The following EXOC4 variants were observed in gnomAD, a reference collection of about 807,000 sequenced individuals.
EXOC4 encodes the protein SEC8-like 1.
A neutral mutation model predicts 107.2 loss-of-function variants in EXOC4; 71 were observed. That is an observed-to-expected ratio of 0.66 (90% CI 0.55 to 0.81). EXOC4 has a LOEUF of 0.81. Ranked by LOEUF, EXOC4 falls within the 30% of genes least tolerant of loss-of-function variation. The pLI is 0.00. For missense variants in EXOC4, 1,108 were observed against 1,189.6 expected, an observed-to-expected ratio of 0.93 and a Z score of 1.01; for synonymous variants, 456 against 441.2, an observed-to-expected ratio of 1.03 and a Z score of -0.42.
intron 17 of EXOC4, among the ~76,000 whole-genome samples, chr7:134,056,655 C>G (rs2116607967): frequency 6.6e-6 from 1 of 152,282 alleles, no homozygotes; most frequent in South Asian, 2.1e-4. Context: ...TTCCTCCAGC[C>G]CTTTTGTAGA....
intron 9 of EXOC4, among the ~76,000 whole-genome samples, chr7:133,614,573 C>T (rs1267927553): frequency 2.0e-5 from 3 of 151,784 alleles, no homozygotes; most frequent in East Asian, 1.9e-4. Flanking sequence ...TGAAAAGGAT[C>T]GTCAGCATTA....
intron 11 of EXOC4, among the ~76,000 whole-genome samples, chr7:133,859,888 G>A (rs909318880): frequency 1.9e-4 from 29 of 152,114 alleles, no homozygotes; most frequent in African/African-American, 6.5e-4. Context: ...CTATTGTTTG[G>A]TATGCCCAAG....
At position 133,676,927 on chromosome 7, in the gene EXOC4, C is replaced by CTGTGTGTG. The variant is rs559035446; in HGVS notation, c.1514+46808_1514+46815dup. 7.5e-3 allele frequency among the ~76,000 whole-genome samples: 939 copies of CTGTGTGTG among 124,614 alleles called. 16 individuals are homozygous for CTGTGTGTG. Among genetic ancestry groups the CTGTGTGTG allele is most frequent in the African/African-American group, 0.021 (702 of 34,140 alleles). The allele number at this position is 124,614 out of a possible 152,430, so 81.8% of individuals were successfully genotyped here. A position where few individuals can be genotyped will look rare whatever the true frequency, so the allele number is the denominator to read the frequency against. ...ATTATTGGGGGGTATGTAGTAAACT[C>CTGTGTGTG]TGTGTGTGTGTGTGTGTGTGTGTGT... On this transcript the variant is annotated intron_variant, in intron 10 of 17. Coordinates refer to ENST00000253861, the MANE Select transcript of EXOC4 (RefSeq NM_021807.4).
At position 133,857,147 on chromosome 7, in the gene EXOC4, CGTATAT is replaced by C. The variant is rs1296757758; in HGVS notation, c.1735-38451_1735-38446del. Among the ~76,000 whole-genome samples the C allele has an allele frequency of 8.4e-4, 16 of 19,088 alleles. 1 individual carries two copies. The highest frequency in any genetic ancestry group is 1.9e-3 in the Admixed American group (2 of 1,030). 12.5% of individuals were successfully genotyped at this position (19,088 alleles called of 152,430 possible). ...ATATGTATATATATATACACATACA[CGTATAT>C]ATATATATATATATATATATATATA... On this transcript the variant is annotated intron_variant, in intron 11 of 17. Transcript: ENST00000253861.
the EXOC4 span, among the ~76,000 whole-genome samples, chr7:134,085,897 G>A: frequency 6.6e-6 from 1 of 152,146 alleles, no homozygotes; most frequent in Non-Finnish European, 1.5e-5. Flanking sequence ...ATATCACAAG[G>A]GATCTGGAAG....
At chr7:133,660,837 C>T (rs1379500678) in intron 10 of EXOC4, among the ~76,000 whole-genome samples, 1 of 152,158 alleles carries the variant, frequency 6.6e-6, no homozygotes, top group African/African-American at 2.4e-5. Flanking sequence ...GAAGTCCACA[C>T]ACTGCCTGGA....
chr7:133,324,599 T>A (rs1407675058), intron 5 of EXOC4, among the ~76,000 whole-genome samples: 1 of 152,214 alleles, frequency 6.6e-6, no homozygotes, highest in Non-Finnish European at 1.5e-5. Flanking sequence ...TTCTGTTCTT[T>A]TACAATTGCT....
At chr7:133,759,860 A>G (rs534404059) in intron 10 of EXOC4, among the ~76,000 whole-genome samples, 1 of 152,310 alleles carries the variant, frequency 6.6e-6, no homozygotes, top group African/African-American at 2.4e-5. Context: ...ATGGGAAGGC[A>G]TTGGCCTACT....
the EXOC4 span, among the ~76,000 whole-genome samples, chr7:134,083,236 C>G: frequency 6.6e-6 from 1 of 152,116 alleles, no homozygotes; most frequent in African/African-American, 2.4e-5. Context: ...GGAGCCCCAT[C>G]AAGTGATGCA....
chr7:133,656,263 A>T lies in EXOC4; in HGVS notation c.1514+26122A>T, dbSNP rs1005883204. On this transcript the variant is annotated intron_variant, in intron 10 of 17. Transcript: ENST00000253861. ...CAAAGATATCAGTTGGCAAGGGGGA[A>T]TTCATAAAACACATAGAATATACTG... 2.0e-4 allele frequency among the ~76,000 whole-genome samples: 31 copies of T among 152,280 alleles called. 1 individual carries two copies. In the Middle Eastern group the frequency reaches 0.01, roughly 50 times the overall value.
At chr7:133,290,978 A>G (rs1202516242) in intron 3 of EXOC4, 1 of 151,986 alleles carries the variant, frequency 6.6e-6, no homozygotes, top group Non-Finnish European at 1.5e-5. Context: ...TATTGAGGGA[A>G]AACAGGGGGC....
intron 14 of EXOC4, among the ~76,000 whole-genome samples, chr7:133,958,756 A>G (rs1454659953): frequency 2.6e-5 from 4 of 152,240 alleles, no homozygotes; most frequent in African/African-American, 9.6e-5. Flanking sequence ...CTTACTTCAT[A>G]TACCTGTGCC....
chr7:133,709,563 TTA>T (rs1411081521), intron 10 of EXOC4, among the ~76,000 whole-genome samples: 1 of 152,122 alleles, frequency 6.6e-6, no homozygotes, highest in Non-Finnish European at 1.5e-5. Flanking sequence ...AGCTGGAAGA[TTA>T]TGTCTATTCA....
chr7:133,502,521 T>G (rs1184246704), intron 9 of EXOC4, among the ~76,000 whole-genome samples: 1 of 152,156 alleles, frequency 6.6e-6, no homozygotes, highest in Non-Finnish European at 1.5e-5. Context: ...TAAATGCTAA[T>G]TTGCTTTTTT....
chr7:133,362,572 A>G (rs1165329960), intron 6 of EXOC4, among the ~76,000 whole-genome samples: 1 of 152,202 alleles, frequency 6.6e-6, no homozygotes, highest in Non-Finnish European at 1.5e-5. Context: ...AATTGGAAAA[A>G]TATACTTTTG....
At chr7:133,581,170 C>T (rs115603914) in intron 9 of EXOC4, among the ~76,000 whole-genome samples, 1,551 of 152,272 alleles carry the variant, frequency 0.01, 24 homozygotes, top group African/African-American at 0.035. Context: ...GATTTATTAA[C>T]ACTGGCTCAG....
At chr7:133,650,399 A>G (rs113590927) in intron 10 of EXOC4, among the ~76,000 whole-genome samples, 1 of 152,278 alleles carries the variant, frequency 6.6e-6, no homozygotes, top group East Asian at 1.9e-4. Context: ...CTCCACTGCT[A>G]GCAACTTGAG....
chr7:133,450,719 C>G (rs1328329646), intron 7 of EXOC4, among the ~76,000 whole-genome samples: 1 of 152,202 alleles, frequency 6.6e-6, no homozygotes, highest in African/African-American at 2.4e-5. Context: ...TGAGATGGAA[C>G]TTCAACCTGT....
intron 17 of EXOC4, among the ~76,000 whole-genome samples, chr7:134,017,315 C>A (rs1794932789): frequency 6.6e-6 from 1 of 152,022 alleles, no homozygotes; most frequent in African/African-American, 2.4e-5. Flanking sequence ...GCTGTTAAAT[C>A]TCTTAAATTT....
Sources: allele counts gnomAD v4.1 joint callset (sites outside exome capture counted in the v4.1 genomes callset), GRCh38; gene constraint gnomAD v4.1.1; transcripts MANE v1.5; gene names NCBI Gene and HGNC (gene_info 2026-07-23, HGNC 2026-07-21).